LRRFIP2: variants seen among roughly 807,000 people sequenced by gnomAD.
LRRFIP2 encodes the protein leucine-rich repeat flightless-interacting protein 2.
A neutral mutation model predicts 125.9 loss-of-function variants in LRRFIP2; 109 were observed. That is an observed-to-expected ratio of 0.87 (90% CI 0.74 to 1.01). LRRFIP2 has a LOEUF of 1.01. LRRFIP2 is among the 50% of genes least tolerant of loss of function. LRRFIP2 has a pLI of 0.00. For missense variants in LRRFIP2, 850 were observed against 862.3 expected (o/e 0.99, Z 0.18); for synonymous variants, 291 against 293.1 (o/e 0.99, Z 0.07).
rs571593600 is a variant in LRRFIP2 at position 37,078,257 on chromosome 3, C to T, written c.1279-3141G>A. 3.3e-5 allele frequency among the ~76,000 whole-genome samples: 5 copies of T among 151,856 alleles called. No individual in the cohort carries two copies. In the East Asian group the frequency reaches 7.7e-4, roughly 23 times the overall value. ...ACCTAACTATACATCCAGTTAGAAGCGCAGAAAGAAACTATTTCAAGTAAC... is the reference window on the plus strand; with the variant it reads ...ACCTAACTATACATCCAGTTAGAAGTGCAGAAAGAAACTATTTCAAGTAAC... On this transcript the variant is annotated intron_variant, in intron 19 of 27. Transcript: ENST00000336686.
intron 2 of LRRFIP2, among the ~76,000 whole-genome samples, chr3:37,133,565 T>C (rs564678852): frequency 2.1e-4 from 32 of 152,296 alleles, no homozygotes; most frequent in African/African-American, 7.5e-4. Flanking sequence ...TATTGTATAC[T>C]TCCACTTAAT....
At chr3:37,084,332 A>T (rs1279060244) in intron 18 of LRRFIP2, among the ~76,000 whole-genome samples, 2 of 152,148 alleles carry the variant, frequency 1.3e-5, no homozygotes, top group African/African-American at 4.8e-5. Context: ...TCCAAATTTC[A>T]ATCATGTTTA....
chr3:37,056,868 C>T (rs2087038881), intron 25 of LRRFIP2, among the ~76,000 whole-genome samples: 3 of 152,202 alleles, frequency 2.0e-5, no homozygotes, highest in Non-Finnish European at 4.4e-5. Flanking sequence ...AAATTGTTAT[C>T]CTCAGCAATC....
At position 37,065,570 on chromosome 3, in the gene LRRFIP2, T is replaced by C. The variant is rs529022855; in HGVS notation, c.1699+240A>G. The C allele has an allele frequency of 5.0e-5, 33 of 655,004 alleles. No individual in the cohort carries two copies. In the East Asian group the frequency reaches 9.1e-4, roughly 18 times the overall value. 40.6% of individuals were successfully genotyped at this position (655,004 alleles called of 1,614,324 possible). On this transcript the variant is annotated intron_variant, in intron 23 of 27. Coordinates refer to ENST00000336686, the MANE Select transcript of LRRFIP2 (RefSeq NM_006309.4). ...GTAAAAACCGATGTGTATAGGCCCATAGTACTTCCATCCACAGGCCTTACA... is the reference window on the plus strand; with the variant it reads ...GTAAAAACCGATGTGTATAGGCCCACAGTACTTCCATCCACAGGCCTTACA...
rs548981149 is a variant in LRRFIP2, at chr3:37,135,570, G to A, written c.91-6421C>T. Among the ~76,000 whole-genome samples the A allele has an allele frequency of 2.2e-4, 34 of 151,836 alleles. 1 individual carries two copies. The South Asian group carries it at 5.6e-3, about 25-fold the overall frequency. ...TCATAATTTTGTATTATGTTCTTTT[G>A]GAATTTGAGAAAAGTAGATGAGATA... On this transcript the variant is annotated intron_variant, in intron 2 of 27. Transcript: ENST00000336686.
chr3:37,108,127 T>A lies in LRRFIP2; in HGVS notation c.660A>T (p.Pro220=), dbSNP rs7340542. The change falls in exon 13 of 28, where the codon CCA becomes CCT. Residue 220 remains proline, a splice_region_variant and synonymous_variant. Transcript: ENST00000336686. The stretch of plus-strand genomic sequence containing the variant: ...TTGATGAATAATAACTGCATTCAGA[T>A]GGCTATAAAGTTTCCAAGAAGAAAG... ...GLYNPYGPRT[P]SECSYYSSRI... The A allele has an allele frequency of 1.4e-3, 2,275 of 1,613,292 alleles. 34 individuals carry two copies. The African/African-American group carries it at 0.027, about 19-fold the overall frequency.
At chr3:37,141,787 C>T (rs778157905) in intron 2 of LRRFIP2, among the ~76,000 whole-genome samples, 2 of 152,122 alleles carry the variant, frequency 1.3e-5, no homozygotes, top group South Asian at 4.1e-4. Context: ...ATTGTTTGGG[C>T]TGATTCCTGA....
rs567837794 is a variant in LRRFIP2, at chr3:37,071,965, C to T, written c.1464+825G>A. Among the ~76,000 whole-genome samples the T allele has an allele frequency of 6.6e-5, 10 of 152,230 alleles. No individual in the cohort carries two copies. The East Asian group carries it at 1.9e-3, about 29-fold the overall frequency. On this transcript the variant is annotated intron_variant, in intron 21 of 27. Transcript: ENST00000336686. ...ATGAAGACATTTCGTTTATCTGGGCCCTTACTTGGGGGAGTTCTGTGGTTA... is the reference window on the plus strand; with the variant it reads ...ATGAAGACATTTCGTTTATCTGGGCTCTTACTTGGGGGAGTTCTGTGGTTA...
intron 25 of LRRFIP2, among the ~76,000 whole-genome samples, chr3:37,057,117 G>A (rs1221706229): frequency 6.6e-6 from 1 of 152,122 alleles, no homozygotes; most frequent in Non-Finnish European, 1.5e-5. Context: ...GTCCTGCAAA[G>A]CTCACTTTGT....
intron 23 of LRRFIP2, chr3:37,064,135 A>C: frequency 4.0e-6 from 1 of 247,376 alleles, no homozygotes; most frequent in Non-Finnish European, 7.8e-6. Flanking sequence ...GTGTGTTCCT[A>C]AAGGCTGAGC....
intron 1 of LRRFIP2, among the ~76,000 whole-genome samples, chr3:37,169,955 T>G (rs201513908): frequency 6.6e-6 from 1 of 152,036 alleles, no homozygotes; most frequent in African/African-American, 2.4e-5. Flanking sequence ...TTTCTTTTTC[T>G]TTTTTTTCCC....
intron 19 of LRRFIP2, among the ~76,000 whole-genome samples, chr3:37,078,436 A>C (rs2092320383): frequency 6.6e-6 from 1 of 152,196 alleles, no homozygotes; most frequent in South Asian, 2.1e-4. Context: ...GATAAAGCAA[A>C]GAGAACAGAA....
intron 20 of LRRFIP2, among the ~76,000 whole-genome samples, chr3:37,074,008 A>C (rs1217218990): frequency 1.3e-5 from 2 of 152,382 alleles, no homozygotes; most frequent in East Asian, 1.9e-4. Flanking sequence ...TGATAGATCC[A>C]AAAGGTTATC....
intron 2 of LRRFIP2, chr3:37,140,578 A>C (rs566166379): frequency 6.6e-5 from 10 of 151,804 alleles, no homozygotes; most frequent in African/African-American, 2.2e-4. Context: ...ACTAAAAACA[A>C]AAATTAGCCG....
chr3:37,087,571 AT>A (rs2093139027), intron 18 of LRRFIP2, among the ~76,000 whole-genome samples: 1 of 152,008 alleles, frequency 6.6e-6, no homozygotes, highest in Non-Finnish European at 1.5e-5. Flanking sequence ...CCCATTTGGA[AT>A]TGGTTTTACT....
At chr3:37,135,772 AAAAATGTTTTTCAACTG>A (rs1197294549) in intron 2 of LRRFIP2, among the ~76,000 whole-genome samples, 1 of 152,212 alleles carries the variant, frequency 6.6e-6, no homozygotes, top group African/African-American at 2.4e-5. Flanking sequence ...TGCTATGATA[AAAAATGTTTTTCAACTG>A]AAAATAACTA....
chr3:37,095,003 G>A lies in LRRFIP2; in HGVS notation c.919-95C>T. 3 of 788,374 alleles carry A rather than the reference G, an allele frequency of 3.8e-6. No individual in the cohort carries two copies. In the South Asian group the frequency reaches 4.3e-5, roughly 11 times the overall value. The allele number at this position is 788,374 out of a possible 1,614,324, so 48.8% of individuals were successfully genotyped here. A position where few individuals can be genotyped will look rare whatever the true frequency, so the allele number is the denominator to read the frequency against. ...CAGGGCAGGGTGGTTGGGGGAAGAT[G>A]TGGGTTTCAGATGAAGAAGTTACCA... On this transcript the variant is annotated intron_variant, in intron 16 of 27. Transcript: ENST00000336686.
intron 1 of LRRFIP2, among the ~76,000 whole-genome samples, chr3:37,157,831 C>T (rs2096242634): frequency 6.6e-6 from 1 of 152,176 alleles, no homozygotes; most frequent in Admixed American, 6.5e-5. Flanking sequence ...ACAACTCATA[C>T]TTTATAAAGA....
At chr3:37,073,532 G>A (rs2091599849) in intron 20 of LRRFIP2, among the ~76,000 whole-genome samples, 1 of 151,816 alleles carries the variant, frequency 6.6e-6, no homozygotes, top group Non-Finnish European at 1.5e-5. Context: ...TCATACATTA[G>A]GTACTTTACC....
Sources: gnomAD v4.1 joint callset for allele counts (sites outside exome capture counted in the v4.1 genomes callset) on GRCh38, gnomAD v4.1.1 for gene constraint, MANE v1.5 for transcripts, NCBI Gene and HGNC (gene_info 2026-07-23, HGNC 2026-07-21) for gene names.